Variants in NHSL2 observed in about 807,000 individuals in gnomAD.
NHSL2 encodes NHS-like protein 2.
NHSL2 carries 27 observed loss-of-function variants against 53.4 expected under a neutral mutation model. The ratio of observed to expected loss-of-function variants is 0.51; its 90% confidence interval spans 0.37 to 0.70. NHSL2 has a LOEUF of 0.70. Ranked by LOEUF, NHSL2 falls within the 30% of genes least tolerant of loss-of-function variation. The pLI is 0.00. For synonymous variants in NHSL2, 408 were observed against 404.1 expected (o/e 1.01, Z -0.12); for missense variants, 892 against 980.1 (o/e 0.91, Z 1.20).
At chrX:72,111,579 CAGTA>C (rs774758293) in intron 1 of NHSL2, among the ~76,000 whole-genome samples, 2 of 111,908 alleles carry the variant, frequency 1.8e-5, no homozygotes, top group South Asian at 3.7e-4. Context: ...CAAAGTCCCA[CAGTA>C]AGTAAGTATA....
In NHSL2 at chrX:72,149,517, G is replaced by A. The variant is rs2147542489; in HGVS notation, c.*5943G>A. ...CTAACATCCAATTTTATAAAATGTTGTGCATGCAAACGCAGCATTGTGCTC... is the reference window on the plus strand; with the variant it reads ...CTAACATCCAATTTTATAAAATGTTATGCATGCAAACGCAGCATTGTGCTC... On this transcript the variant is annotated 3_prime_UTR_variant, in exon 8 of 8. Coordinates refer to ENST00000633930, the MANE Select transcript of NHSL2 (RefSeq NM_001013627.3). 1 of 112,020 alleles carries A rather than the reference G, an allele frequency of 8.9e-6. No individual in the cohort carries two copies. The highest frequency in any genetic ancestry group is 2.8e-4 in the East Asian group (1 of 3,567). The allele number at this position is 112,020 out of a possible 1,213,427, so 9.2% of individuals were successfully genotyped here. A position where few individuals can be genotyped will look rare whatever the true frequency, so the allele number is the denominator to read the frequency against.
intron 1 of NHSL2, chrX:72,128,860 G>A (rs968150368): frequency 3.5e-5 from 4 of 113,185 alleles, no homozygotes; most frequent in Non-Finnish European, 5.6e-5. Flanking sequence ...GCCTGGCAAG[G>A]GGAGAAGACC....
intron 1 of NHSL2, among the ~76,000 whole-genome samples, chrX:71,944,938 A>G (rs996934250): frequency 8.9e-6 from 1 of 112,435 alleles, no homozygotes; most frequent in Non-Finnish European, 1.9e-5. Flanking sequence ...CTCTGATGGT[A>G]CAAAAATATA....
chrX:72,110,281 T>C (rs960388392), intron 1 of NHSL2, among the ~76,000 whole-genome samples: 1 of 111,130 alleles, frequency 9.0e-6, no homozygotes, highest in African/African-American at 3.3e-5. Flanking sequence ...GATTTGGTGA[T>C]TCATGTGCAA....
At chrX:72,134,274 C>T (rs1469315957) in intron 3 of NHSL2, 56 bp downstream of exon 3, 16 of 1,104,473 alleles carry the variant, frequency 1.4e-5, no homozygotes, top group Non-Finnish European at 1.9e-5. Context: ...TGACAAGAGA[C>T]CTCCAGCTGC....
intron 1 of NHSL2, among the ~76,000 whole-genome samples, chrX:72,057,398 T>C (rs1476178946): frequency 2.7e-5 from 3 of 112,436 alleles, no homozygotes; most frequent in African/African-American, 9.7e-5. Flanking sequence ...TAAATAGTAT[T>C]GATCCATAGA....
At position 72,140,547 on chromosome X, in the gene NHSL2, T is replaced by C; in HGVS notation, c.2999T>C (p.Ile1000Thr). Residue 1000 changes from isoleucine (I) to threonine (T), a missense_variant, in exon 6 of 8, where the codon ATT (isoleucine) becomes ACT (threonine). Coordinates refer to ENST00000633930, the MANE Select transcript of NHSL2 (RefSeq NM_001013627.3). ...QEEAEKKKGKIPPPVPKKPSV... is the reference protein window; with the variant it reads ...QEEAEKKKGKTPPPVPKKPSV... ...GAAGCTGAGAAAAAGAAAGGCAAGA[T>C]TCCACCTCCCGTACCAAAAAAACCC... is the stretch of plus-strand genomic sequence containing the variant. 1 of 1,211,147 alleles carries C rather than the reference T, an allele frequency of 8.3e-7. No individual in the cohort carries two copies. Among genetic ancestry groups the C allele is most frequent in the Non-Finnish European group, 1.1e-6 (1 of 895,130 alleles).
At chrX:72,124,649 G>A (rs767185248) in intron 1 of NHSL2, among the ~76,000 whole-genome samples, 1 of 111,525 alleles carries the variant, frequency 9.0e-6, no homozygotes, top group South Asian at 3.8e-4. Context: ...GGGAGTAGAG[G>A]TTAAGAGCAT....
chrX:72,086,122 G>C (rs758295830), intron 1 of NHSL2, among the ~76,000 whole-genome samples: 2 of 111,815 alleles, frequency 1.8e-5, no homozygotes, highest in African/African-American at 3.3e-5. Flanking sequence ...CAGTTGTTTT[G>C]TGTTCCAGAG....
chrX:72,028,440 T>C (rs2042197451), intron 1 of NHSL2, among the ~76,000 whole-genome samples: 1 of 112,145 alleles, frequency 8.9e-6, no homozygotes, highest in Non-Finnish European at 1.9e-5. Context: ...TTTATTTGTG[T>C]ATTTAATCAG....
chrX:72,134,444 C>T (rs1233821563), intron 3 of NHSL2, 65 bp from the exon 4 acceptor site: 1 of 987,106 alleles, frequency 1.0e-6, no homozygotes, highest in Non-Finnish European at 1.4e-6. Flanking sequence ...TAAACAGCCA[C>T]CCTATGGGCA....
intron 1 of NHSL2, among the ~76,000 whole-genome samples, chrX:72,041,857 TA>T (rs2042275704): frequency 8.9e-6 from 1 of 112,306 alleles, no homozygotes; most frequent in Admixed American, 9.4e-5. Flanking sequence ...CCCCCAGCTA[TA>T]AATTCTCTGC....
intron 1 of NHSL2, among the ~76,000 whole-genome samples, chrX:72,104,652 G>A (rs769022176): frequency 8.9e-6 from 1 of 111,956 alleles, no homozygotes; most frequent in South Asian, 3.7e-4. Context: ...TCAGGAGGAA[G>A]AGTGGATTAG....
chrX:71,982,911 A>G (rs1482253907), intron 1 of NHSL2, among the ~76,000 whole-genome samples: 2 of 112,390 alleles, frequency 1.8e-5, no homozygotes, highest in Non-Finnish European at 3.8e-5. Context: ...CTCCAATTTG[A>G]AGCTGGTTGT....
chrX:72,073,270 G>T (rs1319586956), intron 1 of NHSL2, among the ~76,000 whole-genome samples: 1 of 110,570 alleles, frequency 9.0e-6, no homozygotes, highest in East Asian at 2.8e-4. Context: ...GGTGGGGGCG[G>T]GGGGGAGCGG....
intron 1 of NHSL2, among the ~76,000 whole-genome samples, chrX:72,067,787 A>G (rs928327188): frequency 8.9e-6 from 1 of 111,908 alleles, no homozygotes; most frequent in Non-Finnish European, 1.9e-5. Flanking sequence ...CATGGGTCAC[A>G]CTATCCTGTG....
chrX:72,028,548 G>C (rs925894910), intron 1 of NHSL2, among the ~76,000 whole-genome samples: 1 of 112,205 alleles, frequency 8.9e-6, no homozygotes, highest in African/African-American at 3.2e-5. Flanking sequence ...TCCTTCCCCA[G>C]ATCTCTACTC....
intron 4 of NHSL2, among the ~76,000 whole-genome samples, chrX:72,136,763 T>C (rs1198292519): frequency 8.9e-6 from 1 of 112,751 alleles, no homozygotes; most frequent in Non-Finnish European, 1.9e-5. Flanking sequence ...AAAATGCTTC[T>C]ACCTGAGCCC....
At chrX:72,133,205 G>A (rs1460870225) in intron 2 of NHSL2, among the ~76,000 whole-genome samples, 3 of 112,438 alleles carry the variant, frequency 2.7e-5, no homozygotes, top group Non-Finnish European at 3.8e-5. Flanking sequence ...CCAACTGTCC[G>A]TGGAAGAAAT....
Sources: gnomAD v4.1 joint callset for allele counts (sites outside exome capture counted in the v4.1 genomes callset) on GRCh38, gnomAD v4.1.1 for gene constraint, MANE v1.5 for transcripts, NCBI Gene and HGNC (gene_info 2026-07-23, HGNC 2026-07-21) for gene names.